Variants in PAGE4 observed in about 807,000 individuals in gnomAD.
PAGE4 encodes the protein P antigen family member 4.
A neutral mutation model predicts 8.5 loss-of-function variants in PAGE4; 1 was observed. The ratio of observed to expected loss-of-function variants is 0.12; its 90% CI spans 0.04 to 0.56. PAGE4 has a LOEUF of 0.56. Ranked by LOEUF, PAGE4 falls within the 20% of genes least tolerant of loss-of-function variation. PAGE4 has a pLI of 0.91. For missense variants in PAGE4, 93 were observed against 82.7 expected (o/e 1.13, Z -0.49); for synonymous variants, 26 against 26.3 (o/e 0.99, Z 0.04).
intron 3 of PAGE4, among the ~76,000 whole-genome samples, chrX:49,831,511 A>G (rs782625009): frequency 2.1e-4 from 24 of 112,467 alleles, no homozygotes; most frequent in African/African-American, 7.7e-4. Flanking sequence ...ATTCAGAGAA[A>G]TAAAAATGTG....
intron 4 of PAGE4, among the ~76,000 whole-genome samples, 176 bp downstream of exon 4, chrX:49,832,826 A>C (rs1297175359): frequency 8.9e-6 from 1 of 112,205 alleles, no homozygotes; most frequent in African/African-American, 3.2e-5. Flanking sequence ...TTGAATTATA[A>C]AATATGAAAG....
intron 3 of PAGE4, among the ~76,000 whole-genome samples, chrX:49,832,183 T>C (rs782623824): frequency 1.8e-5 from 2 of 111,919 alleles, no homozygotes; most frequent in African/African-American, 6.5e-5. Flanking sequence ...CCGGGTAATG[T>C]ACTAAGTGCT....
At chrX:49,831,649 A>G in intron 3 of PAGE4, among the ~76,000 whole-genome samples, 1 of 111,948 alleles carries the variant, frequency 8.9e-6, no homozygotes, top group East Asian at 2.8e-4. Context: ...AAGTTATCCA[A>G]GTACAGTGAA....
intron 1 of PAGE4, chrX:49,829,623 G>T (rs1277563206): frequency 8.9e-6 from 1 of 112,618 alleles, no homozygotes; most frequent in Non-Finnish European, 1.9e-5. Flanking sequence ...CTCAGTGGGG[G>T]CCAGGGAAAG....
intron 3 of PAGE4, 67 bp from the exon 4 acceptor site, chrX:49,832,458 T>C (rs1557156718): frequency 1.3e-6 from 1 of 759,183 alleles, no homozygotes; most frequent in East Asian, 3.6e-5. Context: ...CCTACAGAGC[T>C]TTATTTAATA....
Position 49,832,570 on chromosome X carries a change from C to T in PAGE4, c.212C>T (p.Thr71Ile), listed in dbSNP as rs1923508976. ...TGCCAGGAAATGGATCTGGAAAAGA[C>T]TCGGAGTGAGCGTGGAGATGGCTCT... ...GDCQEMDLEK[T>I]RSERGDGSDV... Residue 71 changes from threonine to isoleucine, a missense_variant, in exon 4 of 5, where the codon ACT (threonine) becomes ATT (isoleucine). Transcript: ENST00000218068. The T allele has an allele frequency of 8.4e-7, 1 of 1,195,260 alleles. No individual in the cohort carries two copies. Among genetic ancestry groups the T allele is most frequent in the Non-Finnish European group, 1.1e-6 (1 of 881,579 alleles).
chrX:49,831,539 G>A (rs1031668054), intron 3 of PAGE4, among the ~76,000 whole-genome samples: 6 of 111,821 alleles, frequency 5.4e-5, no homozygotes, highest in Non-Finnish European at 7.5e-5. Context: ...TTTAGTTACC[G>A]TTAAAAGTCT....
intron 3 of PAGE4, among the ~76,000 whole-genome samples, chrX:49,832,190 T>C (rs1172846222): frequency 1.8e-5 from 2 of 111,869 alleles, no homozygotes; most frequent in South Asian, 3.7e-4. Context: ...ATGTACTAAG[T>C]GCTGAGGATA....
chrX:49,829,405 C>T (rs1306339636), intron 1 of PAGE4, 54 bp downstream of exon 1: 2 of 112,315 alleles, frequency 1.8e-5, no homozygotes, highest in Admixed American at 1.9e-4. Context: ...GTGGGTCGGG[C>T]ACTGTGGTCC....
chrX:49,832,548 C>T lies in PAGE4; in HGVS notation c.190C>T (p.Gln64Ter), dbSNP rs1923507888. The change falls in exon 4 of 5, where the codon CAG becomes TAG. Residue 64 changes from glutamine (Q) to a stop codon, truncating the protein, a stop_gained. Coordinates refer to ENST00000218068, the MANE Select transcript of PAGE4 (RefSeq NM_007003.4). LOFTEE classifies it high-confidence loss of function. ...IEERKVEGDC[Q>*]EMDLEKTRSE... ...AGAACGTAAAGTAGAAGGTGATTGCCAGGAAATGGATCTGGAAAAGACTCG... is the reference window on the plus strand; with the variant it reads ...AGAACGTAAAGTAGAAGGTGATTGCTAGGAAATGGATCTGGAAAAGACTCG... 1 of 1,189,406 alleles carries T rather than the reference C, an allele frequency of 8.4e-7. No homozygotes were observed. The highest frequency in any genetic ancestry group is 1.1e-6 in the Non-Finnish European group (1 of 879,551).
chrX:49,833,856 G>A lies in PAGE4; in HGVS notation c.303G>A (p.Gln101=). ...ATGTTTATATTTTAGGAGATGGGCA[G>A]CCATAAGTTAAAAAGAAGACAAGCT... is the stretch of plus-strand genomic sequence containing the variant. The part of the protein sequence containing the change: ...HAKTKEAGDG[Q]P Residue 101 remains glutamine (Q), a synonymous_variant, in exon 5 of 5, where the codon CAG becomes CAA. Transcript: ENST00000218068. 8.4e-7 allele frequency: 1 copy of A among 1,187,053 alleles called. No individual in the cohort carries two copies. Among genetic ancestry groups the A allele is most frequent in the Non-Finnish European group, 1.1e-6 (1 of 875,663 alleles).
intron 4 of PAGE4, among the ~76,000 whole-genome samples, chrX:49,832,926 G>A: frequency 9.0e-6 from 1 of 111,328 alleles, no homozygotes; most frequent in Non-Finnish European, 1.9e-5. Context: ...CATACCCCAG[G>A]GGCAATTGGG....
intron 3 of PAGE4, 90 bp downstream of exon 3, chrX:49,831,174 G>T (rs1923469011): frequency 1.7e-6 from 1 of 589,805 alleles, no homozygotes; most frequent in Admixed American, 3.7e-5. Flanking sequence ...AAAATTGGCT[G>T]GAAACCTGTA....
chrX:49,832,637 G>T lies in PAGE4; in HGVS notation c.279G>T (p.Lys93Asn). 8.3e-7 allele frequency: 1 copy of T among 1,199,897 alleles called. No individual in the cohort carries two copies. Among genetic ancestry groups the T allele is most frequent in the African/African-American group, 1.7e-5 (1 of 57,265 alleles). The change falls in exon 4 of 5, where the codon AAG becomes AAT. Residue 93 changes from lysine (K) to asparagine (N), a missense_variant. Coordinates refer to ENST00000218068, the MANE Select transcript of PAGE4 (RefSeq NM_007003.4). Reference protein sequence around the residue: ...EKTPPNPKHAKTKEAGDGQP With the variant: ...EKTPPNPKHANTKEAGDGQP ...CTCCACCTAATCCTAAGCATGCTAA[G>T]ACTAAAGAAGCAGGTACGTTATTCA...
At chrX:49,830,768 G>T (rs1923452252) in intron 2 of PAGE4, 1 of 433,979 alleles carries the variant, frequency 2.3e-6, no homozygotes, top group Non-Finnish European at 4.0e-6. Flanking sequence ...GCCCAGAGAA[G>T]ATGAAAATGG....
rs1275406020 is a variant in PAGE4 at position 49,830,140 on chromosome X, A to G, written c.-30-259A>G. On this transcript the variant is annotated intron_variant, in intron 1 of 4. Transcript: ENST00000218068. Reference sequence around the variant, plus strand: ...GCTGTATATTAAAAAATCTCTTCATAATGGAGTTTAGTTATGAAATTAAGT... The same window carrying G: ...GCTGTATATTAAAAAATCTCTTCATGATGGAGTTTAGTTATGAAATTAAGT... 3 of 222,349 alleles carry G rather than the reference A, an allele frequency of 1.3e-5. No individual in the cohort carries two copies. In the Admixed American group the frequency reaches 2.0e-4, roughly 15 times the overall value. 18.3% of individuals were successfully genotyped at this position (222,349 alleles called of 1,213,427 possible).
At chrX:49,832,344 G>A (rs1049266337) in intron 3 of PAGE4, among the ~76,000 whole-genome samples, 181 bp from the exon 4 acceptor site, 2 of 111,704 alleles carry the variant, frequency 1.8e-5, no homozygotes, top group South Asian at 3.7e-4. Context: ...TTAAACAGTC[G>A]TAGGAAAAGA....
chrX:49,832,513 T>C lies in PAGE4; in HGVS notation c.167-12T>C. The C allele has an allele frequency of 1.3e-5, 15 of 1,126,492 alleles. No individual in the cohort carries two copies. Among genetic ancestry groups the C allele is most frequent in the Non-Finnish European group, 1.8e-5 (15 of 836,367 alleles). 92.8% of individuals were successfully genotyped at this position (1,126,492 alleles called of 1,213,427 possible). A position where few individuals can be genotyped will look rare whatever the true frequency, so the allele number is the denominator to read the frequency against. On this transcript the variant is annotated splice_polypyrimidine_tract_variant and intron_variant, in intron 3 of 4. Coordinates refer to ENST00000218068, the MANE Select transcript of PAGE4 (RefSeq NM_007003.4). ...TGCTTACTTATATCAATAACTTTTT[T>C]ATTTATATAAGAACGTAAAGTAGAA...
At chrX:49,830,192 A>T (rs1220042592) in intron 1 of PAGE4, 1 of 330,974 alleles carries the variant, frequency 3.0e-6, no homozygotes, top group Non-Finnish European at 5.2e-6. Context: ...CCATGTTTTG[A>T]TCTAGGACTT....
Sources: gnomAD v4.1 joint callset for allele counts (sites outside exome capture counted in the v4.1 genomes callset) on GRCh38, gnomAD v4.1.1 for gene constraint, MANE v1.5 for transcripts, NCBI Gene and HGNC (gene_info 2026-07-23, HGNC 2026-07-21) for gene names.